Variants in LRAT observed in about 807,000 individuals in gnomAD.
The protein encoded by LRAT is lecithin retinol acyltransferase, also known as lecithin retinol acyltransferase (phosphatidylcholine--retinol O-acyltransferase).
In LRAT, 11 loss-of-function variants were observed where a neutral mutation model predicts 14.2. The observed-to-expected ratio is 0.78, with a 90% CI of 0.49 to 1.29. The LOEUF is 1.29. Ranked by LOEUF, LRAT falls within the 50% of genes most tolerant of loss-of-function variation. The pLI is 0.00. For synonymous variants in LRAT, 144 were observed against 124.8 expected (o/e 1.15, Z -1.03); for missense variants, 274 against 292.4 (o/e 0.94, Z 0.46).
chr4:154,747,224 A>G (rs1732899950), intron 2 of LRAT, among the ~76,000 whole-genome samples: 2 of 152,190 alleles, frequency 1.3e-5, no homozygotes, highest in Admixed American at 6.5e-5. Context: ...CTGGAAAAGA[A>G]CATTTACTCC....
chr4:154,743,133 C>A (rs1419352522), upstream of LRAT, among the ~76,000 whole-genome samples: 3 of 121,524 alleles, frequency 2.5e-5, no homozygotes, highest in Admixed American at 1.7e-4. Context: ...CAACCCCCCC[C>A]CCCCCGCCCT....
upstream of LRAT, among the ~76,000 whole-genome samples, chr4:154,741,772 A>T (rs1181627416): frequency 6.6e-6 from 1 of 152,180 alleles, no homozygotes; most frequent in Admixed American, 6.5e-5. Flanking sequence ...CATGTATATA[A>T]AATGTATACA....
chr4:154,749,119 CTA>C lies in LRAT; in HGVS notation c.678_679del (p.Trp227AspfsTer29), dbSNP rs1271525941. The C allele has an allele frequency of 6.2e-7, 1 of 1,613,662 alleles. No individual in the cohort carries two copies. The highest frequency in any genetic ancestry group is 1.7e-5 in the Admixed American group (1 of 60,020). ...TCCTGCAATTTTTATTCCATTCTTC[CTA>C]TGGATGGCTGGCTAACTTCATACCC... Reference protein sequence around the residue: ...TLPAIFIPFFLWMAG With the variant: ...TLPAIFIPFFXWMAG On this transcript the variant is annotated frameshift_variant, in exon 3 of 3. Coordinates refer to ENST00000336356, the MANE Select transcript of LRAT (RefSeq NM_004744.5). LOFTEE classifies it high-confidence loss of function.
At chr4:154,748,609 ATTTT>A (rs1053146591) in intron 2 of LRAT, among the ~76,000 whole-genome samples, 1 of 152,088 alleles carries the variant, frequency 6.6e-6, no homozygotes, top group Non-Finnish European at 1.5e-5. Context: ...AAATTCTATT[ATTTT>A]TACTCAAGAT....
rs758030004 is a variant in LRAT at position 154,744,826 on chromosome 4, A to G, written c.500A>G (p.Tyr167Cys). Residue 167 changes from tyrosine (Y) to cysteine (C), a missense_variant, in exon 2 of 3, where the codon TAC becomes TGC. Physicochemically the swap from Tyr to Cys is radical, Grantham distance 194. Coordinates refer to ENST00000336356, the MANE Select transcript of LRAT (RefSeq NM_004744.5). ...LWNNCEHFVT[Y>C]CRYGTPISPQ... ...AACAACTGCGAGCACTTCGTGACCTACTGCAGATATGGCACCCCGATCAGT... is the reference window on the plus strand; with the variant it reads ...AACAACTGCGAGCACTTCGTGACCTGCTGCAGATATGGCACCCCGATCAGT... The G allele has an allele frequency of 3.7e-6, 6 of 1,613,806 alleles. No individual in the cohort carries two copies. The South Asian group carries it at 6.6e-5, about 18-fold the overall frequency.
intron 2 of LRAT, chr4:154,748,125 T>C (rs374648153): frequency 1.7e-6 from 1 of 597,916 alleles, no homozygotes; most frequent in Non-Finnish European, 2.1e-6. Context: ...GGCAATATGG[T>C]AGAGATAACT....
chr4:154,744,906 G>C (rs775488474), intron 2 of LRAT, 40 bp downstream of exon 2: 1 of 1,600,298 alleles, frequency 6.2e-7, no homozygotes, highest in Non-Finnish European at 8.5e-7. Context: ...GCTCCGCGGA[G>C]ATGCCCCCTC....
At chr4:154,748,785 A>G (rs565316922) in intron 2 of LRAT, among the ~76,000 whole-genome samples, 199 bp from the exon 3 acceptor site, 1 of 152,288 alleles carries the variant, frequency 6.6e-6, no homozygotes, top group South Asian at 2.1e-4. Context: ...TTAGTTGCCT[A>G]AGGGATCATT....
At position 154,749,040 on chromosome 4, in the gene LRAT, A is replaced by C; in HGVS notation, c.597A>C (p.Ala199=). The C allele has an allele frequency of 5.6e-6, 9 of 1,613,872 alleles. No homozygotes were observed. The highest frequency in any genetic ancestry group is 5.9e-6 in the Non-Finnish European group (7 of 1,179,786). Reference sequence around the variant, plus strand: ...ATCAGAGAAGTGTTCTTGCTTCAGCAGTCTTGGGATTGGCGTCTATAGTCT... The same window carrying C: ...ATCAGAGAAGTGTTCTTGCTTCAGCCGTCTTGGGATTGGCGTCTATAGTCT... ...IRDQRSVLAS[A]VLGLASIVCT... is the part of the protein sequence containing the mutation. Residue 199 remains alanine (A), a synonymous_variant, in exon 3 of 3, where the codon GCA becomes GCC. Transcript: ENST00000336356.
At chr4:154,743,634 C>T (rs1463387398), upstream of LRAT, among the ~76,000 whole-genome samples, 2 of 152,160 alleles carry the variant, frequency 1.3e-5, no homozygotes, top group Admixed American at 1.3e-4. Flanking sequence ...GAAGGTGGTC[C>T]AACTCAGAAA....
intron 2 of LRAT, among the ~76,000 whole-genome samples, chr4:154,746,394 A>G (rs1732885429): frequency 6.6e-6 from 1 of 152,168 alleles, no homozygotes; most frequent in East Asian, 1.9e-4. Flanking sequence ...GCTTTTATAG[A>G]TCGGTGTATG....
chr4:154,745,460 C>T (rs1461543385), intron 2 of LRAT: 1 of 156,286 alleles, frequency 6.4e-6, no homozygotes, highest in Non-Finnish European at 1.4e-5. Flanking sequence ...AATGCAGGAC[C>T]GCTTCCAGAG....
upstream of LRAT, among the ~76,000 whole-genome samples, chr4:154,742,731 G>A (rs1732790846): frequency 6.6e-6 from 1 of 152,124 alleles, no homozygotes. Context: ...TCCCTCACCC[G>A]GCAGCTCCCT....
At chr4:154,742,687 G>T (rs994773803), upstream of LRAT, among the ~76,000 whole-genome samples, 19 of 152,038 alleles carry the variant, frequency 1.2e-4, no homozygotes, top group African/African-American at 4.1e-4. Flanking sequence ...GGGACATCGC[G>T]TGCCAAGCCT....
rs1732940743 is a variant in LRAT, at chr4:154,749,151, G to A, written c.*15G>A. On this transcript the variant is annotated 3_prime_UTR_variant, in exon 3 of 3. Transcript: ENST00000336356. ...TGGCTGGCTAACTTCATACCCCCATGTCAGTGTGTGTATTCTGTATGTAAA... is the reference window on the plus strand; with the variant it reads ...TGGCTGGCTAACTTCATACCCCCATATCAGTGTGTGTATTCTGTATGTAAA... 5 of 1,607,228 alleles carry A rather than the reference G, an allele frequency of 3.1e-6. No individual in the cohort carries two copies. Among genetic ancestry groups the A allele is most frequent in the Non-Finnish European group, 8.5e-7 (1 of 1,174,072 alleles).
chr4:154,744,935 CT>C, intron 2 of LRAT, 69 bp downstream of exon 2: 1 of 1,506,098 alleles, frequency 6.6e-7, no homozygotes, highest in Non-Finnish European at 9.1e-7. Context: ...GACCTTTTCT[CT>C]TCCCCGCGAG....
At position 154,752,175 on chromosome 4, in the gene LRAT, A is replaced by G. The variant is rs951985399; in HGVS notation, c.*3039A>G. 6.6e-6 allele frequency: 1 copy of G among 152,232 alleles called. No individual in the cohort carries two copies. The highest frequency in any genetic ancestry group is 3.2e-3 in the Middle Eastern group (1 of 316). The allele number at this position is 152,232 out of a possible 1,614,324, so 9.4% of individuals were successfully genotyped here. On this transcript the variant is annotated 3_prime_UTR_variant, in exon 3 of 3. Transcript: ENST00000336356. Reference sequence around the variant, plus strand: ...GAAAGTGAGACAGACAGATATGACCAAATTTATACAAACCATGTACCAACA... The same window carrying G: ...GAAAGTGAGACAGACAGATATGACCGAATTTATACAAACCATGTACCAACA...
At chr4:154,747,347 T>C (rs1447315992) in intron 2 of LRAT, among the ~76,000 whole-genome samples, 1 of 150,680 alleles carries the variant, frequency 6.6e-6, no homozygotes, top group Non-Finnish European at 1.5e-5. Context: ...TTAATAACTA[T>C]TACTATTCCT....
Position 154,749,438 on chromosome 4 carries a change from G to A in LRAT, c.*302G>A, listed in dbSNP as rs1054748025. 4 of 363,504 alleles carry A rather than the reference G, an allele frequency of 1.1e-5. No homozygotes were observed. The highest frequency in any genetic ancestry group is 8.4e-5 in the African/African-American group (4 of 47,672). 22.5% of individuals were successfully genotyped at this position (363,504 alleles called of 1,614,324 possible). On this transcript the variant is annotated 3_prime_UTR_variant, in exon 3 of 3. Transcript: ENST00000336356. ...AAATGATAGCCACAAGAGATTAATT[G>A]TGTTTTTTTTTCTCCTGTAATCCTT...
Sources: gnomAD v4.1 joint callset for allele counts (sites outside exome capture counted in the v4.1 genomes callset) on GRCh38, gnomAD v4.1.1 for gene constraint, MANE v1.5 for transcripts, NCBI Gene and HGNC (gene_info 2026-07-23, HGNC 2026-07-21) for gene names.